TANK: variants seen among roughly 807,000 people sequenced by gnomAD.
TANK encodes TRAF family member-associated NF-kappa-B activator.
A neutral mutation model predicts 43.6 loss-of-function variants in TANK; 15 were observed. That is an observed-to-expected ratio of 0.34 (90% CI 0.23 to 0.53). The LOEUF (loss-of-function observed/expected upper bound fraction) is 0.53. Ranked by LOEUF, TANK falls within the 20% of genes least tolerant of loss-of-function variation. The probability of loss-of-function intolerance (pLI) is 0.94; values close to 1 mark genes in which losing one functional copy is unlikely to be tolerated. For synonymous variants in TANK, 162 were observed against 178.2 expected (o/e 0.91, Z 0.73); for missense variants, 417 against 498.6 (o/e 0.84, Z 1.56).
In TANK at chr2:161,211,666, T is replaced by C. The variant is rs1202000204; in HGVS notation, c.327+6873T>C. ...AAATAAATGTAATTGCATGTGTTTG[T>C]TACTCAACTTTTTAAAAATTTGCCC... is the stretch of plus-strand genomic sequence containing the variant. On this transcript the variant is annotated intron_variant, in intron 4 of 7. Coordinates refer to ENST00000392749, the MANE Select transcript of TANK (RefSeq NM_001199135.3). 4 of 536,942 alleles carry C rather than the reference T, an allele frequency of 7.4e-6. No individual in the cohort carries two copies. In the African/African-American group the frequency reaches 8.3e-5, roughly 11 times the overall value. The allele number at this position is 536,942 out of a possible 1,614,324, so 33.3% of individuals were successfully genotyped here. A position where few individuals can be genotyped will look rare whatever the true frequency, so the allele number is the denominator to read the frequency against.
At position 161,153,687 on chromosome 2, in the gene TANK, C is replaced by CAAA. The variant is rs11395042; in HGVS notation, c.-50+16646_-50+16648dup. Among the ~76,000 whole-genome samples, 680 of 76,112 alleles carry CAAA rather than the reference C, an allele frequency of 8.9e-3. 10 individuals carry two copies. Among genetic ancestry groups the CAAA allele is most frequent in the Middle Eastern group, 0.025 (4 of 160 alleles). The allele number at this position is 76,112 out of a possible 152,430, so 49.9% of individuals were successfully genotyped here. On this transcript the variant is annotated intron_variant, in intron 1 of 7. Coordinates refer to the TANK transcript ENST00000259075. ...GGGTGACAACAGTGAGGCCCTGTCT[C>CAAA]AAAAAAAAAAAAAAAAAAAAAAAAT...
At chr2:161,219,248 A>G (rs896292112) in intron 4 of TANK, among the ~76,000 whole-genome samples, 1 of 152,270 alleles carries the variant, frequency 6.6e-6, no homozygotes, top group Non-Finnish European at 1.5e-5. Context: ...TTATTGTAGC[A>G]TTGAATCAGT....
intron 1 of TANK, among the ~76,000 whole-genome samples, chr2:161,171,177 A>AGTTTG (rs1157631995): frequency 6.6e-6 from 1 of 152,202 alleles, no homozygotes; most frequent in East Asian, 1.9e-4. Context: ...ATTTTGGCAC[A>AGTTTG]GATGCAAGTT....
chr2:161,180,403 T>G (rs1393676973), intron 2 of TANK, among the ~76,000 whole-genome samples: 2 of 152,148 alleles, frequency 1.3e-5, no homozygotes, highest in East Asian at 3.8e-4. Flanking sequence ...AGCACATGTC[T>G]GTTACTGGTT....
At chr2:161,180,052 G>A in intron 2 of TANK, 1 of 1,035,968 alleles carries the variant, frequency 9.7e-7, no homozygotes, top group South Asian at 4.5e-5. Flanking sequence ...TATAAATAAG[G>A]AGGAAATAAC....
intron 4 of TANK, among the ~76,000 whole-genome samples, chr2:161,214,870 G>C (rs748521360): frequency 6.6e-6 from 1 of 152,104 alleles, no homozygotes; most frequent in Non-Finnish European, 1.5e-5. Flanking sequence ...CTGCCTAGGA[G>C]GTAACACAGA....
At chr2:161,207,574 T>C in intron 4 of TANK, 1 of 984,566 alleles carries the variant, frequency 1.0e-6, no homozygotes, top group Non-Finnish European at 1.2e-6. Context: ...ATTAGATTTA[T>C]TGAATATTTG....
intron 4 of TANK, chr2:161,211,833 A>G: frequency 2.0e-6 from 2 of 985,278 alleles, no homozygotes; most frequent in Non-Finnish European, 2.4e-6. Flanking sequence ...TACCTCAGGT[A>G]CTCCTTGCCT....
At chr2:161,212,303 C>G (rs1012703795) in intron 4 of TANK, 3 of 843,864 alleles carry the variant, frequency 3.6e-6, no homozygotes, top group Middle Eastern at 6.1e-4. Flanking sequence ...TGAAATGATC[C>G]ACCTGCCTCG....
At chr2:161,166,084 A>C (rs1684666526) in intron 1 of TANK, among the ~76,000 whole-genome samples, 1 of 152,260 alleles carries the variant, frequency 6.6e-6, no homozygotes, top group African/African-American at 2.4e-5. Context: ...AATTTCACCA[A>C]GTTCTAACAT....
intron 6 of TANK, among the ~76,000 whole-genome samples, chr2:161,230,307 G>A (rs886574889): frequency 1.2e-4 from 18 of 152,038 alleles, no homozygotes; most frequent in African/African-American, 4.3e-4. Context: ...AGCTACAGAG[G>A]CCCTTTTGTC....
rs1162114974 is a variant in TANK at position 161,231,148 on chromosome 2, A to G, written c.698A>G (p.Asn233Ser). ...DTSFESLSKFNVKFPPMDNDS... is the reference protein window; with the variant it reads ...DTSFESLSKFSVKFPPMDNDS... ...TCTTTTGAATCACTTTCTAAATTCA[A>G]TGTCAAGTTTCCACCTATGGACAAT... Residue 233 changes from asparagine to serine, a missense_variant, in exon 7 of 8, where the codon AAT (asparagine) becomes AGT (serine). Transcript: ENST00000392749. 21 of 1,613,938 alleles carry G rather than the reference A, an allele frequency of 1.3e-5. No individual in the cohort carries two copies. Among genetic ancestry groups the G allele is most frequent in the East Asian group, 2.2e-5 (1 of 44,900 alleles).
chr2:161,200,080 C>T (rs1345573082), intron 2 of TANK, among the ~76,000 whole-genome samples: 1 of 152,148 alleles, frequency 6.6e-6, no homozygotes, highest in Non-Finnish European at 1.5e-5. Flanking sequence ...TCATGCAGAT[C>T]TCCTAGTTGG....
Position 161,231,070 on chromosome 2 carries a change from C to T in TANK, c.620C>T (p.Pro207Leu), listed in dbSNP as rs1687888489. The part of the protein sequence containing the change: ...QAKDDINRGA[P>L]SITSVTPRGL... ...AAAGATGATATAAATAGAGGTGCACCATCCATCACATCTGTCACACCAAGA... is the reference window on the plus strand; with the variant it reads ...AAAGATGATATAAATAGAGGTGCACTATCCATCACATCTGTCACACCAAGA... Residue 207 changes from proline (P) to leucine (L), a missense_variant, in exon 7 of 8, where the codon CCA becomes CTA. Pro to Leu is a moderately conservative substitution (Grantham distance 98, BLOSUM62 -3). Coordinates refer to ENST00000392749, the MANE Select transcript of TANK (RefSeq NM_001199135.3). The T allele has an allele frequency of 1.2e-6, 2 of 1,614,014 alleles. No individual in the cohort carries two copies. The highest frequency in any genetic ancestry group is 1.7e-6 in the Non-Finnish European group (2 of 1,179,936).
At chr2:161,169,813 C>T (rs1392881186) in intron 1 of TANK, among the ~76,000 whole-genome samples, 1 of 152,114 alleles carries the variant, frequency 6.6e-6, no homozygotes, top group Admixed American at 6.5e-5. Context: ...AATTCTGTGC[C>T]TTATGCAACT....
intron 1 of TANK, among the ~76,000 whole-genome samples, chr2:161,175,970 A>T (rs1685156577): frequency 6.6e-6 from 1 of 152,146 alleles, no homozygotes; most frequent in Non-Finnish European, 1.5e-5. Flanking sequence ...CATGTAATGG[A>T]AGGAAACCAG....
At chr2:161,210,803 T>A (rs1574042783) in intron 4 of TANK, among the ~76,000 whole-genome samples, 1 of 152,122 alleles carries the variant, frequency 6.6e-6, no homozygotes, top group East Asian at 1.9e-4. Flanking sequence ...AAGATAGGCT[T>A]GATCAAGGGC....
At chr2:161,198,677 C>G (rs1391416517) in intron 2 of TANK, among the ~76,000 whole-genome samples, 1 of 152,212 alleles carries the variant, frequency 6.6e-6, no homozygotes, top group Non-Finnish European at 1.5e-5. Flanking sequence ...GTATAATTTT[C>G]ATTTACAGAG....
At chr2:161,220,936 A>G (rs1018630271) in intron 4 of TANK, among the ~76,000 whole-genome samples, 2 of 152,202 alleles carry the variant, frequency 1.3e-5, no homozygotes, top group East Asian at 1.9e-4. Flanking sequence ...CTCCTTAAAT[A>G]TCACTGCATA....
Sources: gnomAD v4.1 joint callset for allele counts (sites outside exome capture counted in the v4.1 genomes callset) on GRCh38, gnomAD v4.1.1 for gene constraint, MANE v1.5 for transcripts, NCBI Gene and HGNC (gene_info 2026-07-23, HGNC 2026-07-21) for gene names.